Variants in PTPRM observed in about 807,000 individuals in gnomAD.
PTPRM encodes receptor-type tyrosine-protein phosphatase mu.
In PTPRM, 47 loss-of-function variants were observed where a neutral mutation model predicts 186.7. That is an observed-to-expected ratio of 0.25 (90% CI 0.20 to 0.32). The LOEUF is 0.32. PTPRM is among the 10% of genes least tolerant of loss of function. PTPRM has a pLI of 1.00. For synonymous variants in PTPRM, 668 were observed against 674.9 expected, an observed-to-expected ratio of 0.99 and a Z score of 0.16; for missense variants, 1,494 against 1,865.0, an observed-to-expected ratio of 0.80 and a Z score of 3.66.
At chr18:7,662,253 TAGA>T (rs2038997531) in intron 1 of PTPRM, among the ~76,000 whole-genome samples, 1 of 152,206 alleles carries the variant, frequency 6.6e-6, no homozygotes, top group African/African-American at 2.4e-5. Flanking sequence ...ATGATCTTGA[TAGA>T]AGATTATGCT....
chr18:8,098,169 C>G lies in PTPRM; in HGVS notation c.1856+9318C>G, dbSNP rs183085965. Among the ~76,000 whole-genome samples, 37 of 152,176 alleles carry G rather than the reference C, an allele frequency of 2.4e-4. No homozygotes were observed. In the East Asian group the frequency reaches 6.6e-3, roughly 27 times the overall value. The stretch of plus-strand genomic sequence containing the variant: ...GATGTTTGCACAAAGATGGAATGGC[C>G]TAATGAGGCACTTCTCAGAATATAT... On this transcript the variant is annotated intron_variant, in intron 11 of 32. Coordinates refer to ENST00000580170, the MANE Select transcript of PTPRM (RefSeq NM_001105244.2).
chr18:7,636,276 A>T (rs1223181642), intron 1 of PTPRM, among the ~76,000 whole-genome samples: 2 of 152,174 alleles, frequency 1.3e-5, no homozygotes, highest in African/African-American at 4.8e-5. Context: ...ACAATGTTCC[A>T]GGTAGAGGAG....
chr18:8,003,296 C>A (rs2083980782), intron 7 of PTPRM, among the ~76,000 whole-genome samples: 1 of 152,182 alleles, frequency 6.6e-6, no homozygotes, highest in African/African-American at 2.4e-5. Context: ...CGACATAAGA[C>A]AAGAAGTGCC....
At chr18:8,069,627 G>T in intron 7 of PTPRM, 59 bp from the exon 8 acceptor site, 1 of 1,440,180 alleles carries the variant, frequency 6.9e-7, no homozygotes, top group South Asian at 1.3e-5. Flanking sequence ...CTTTGGGATT[G>T]ACCTGAGCCT....
At chr18:7,884,860 G>T (rs951248836) in intron 2 of PTPRM, among the ~76,000 whole-genome samples, 1 of 134,354 alleles carries the variant, frequency 7.4e-6, no homozygotes, top group Non-Finnish European at 1.5e-5. Context: ...GGAGGCAGAG[G>T]TTGCAGTGAG....
intron 14 of PTPRM, among the ~76,000 whole-genome samples, chr18:8,152,858 TA>T (rs1458407175): frequency 6.6e-6 from 1 of 151,516 alleles, no homozygotes; most frequent in Non-Finnish European, 1.5e-5. Flanking sequence ...GCTGGGAATA[TA>T]GGCTCACACC....
At chr18:7,670,423 T>A (rs2144481216) in intron 1 of PTPRM, among the ~76,000 whole-genome samples, 1 of 152,372 alleles carries the variant, frequency 6.6e-6, no homozygotes, top group South Asian at 2.1e-4. Context: ...AATTATGTTG[T>A]AGCATGCTTG....
chr18:7,902,007 G>A (rs935694849), intron 3 of PTPRM, among the ~76,000 whole-genome samples: 5 of 152,154 alleles, frequency 3.3e-5, no homozygotes, highest in African/African-American at 1.2e-4. Context: ...ACAAATGTAT[G>A]ACATAAGAAA....
intron 19 of PTPRM, among the ~76,000 whole-genome samples, chr18:8,280,746 C>A (rs542181086): frequency 2.2e-4 from 34 of 152,228 alleles, no homozygotes; most frequent in Non-Finnish European, 4.6e-4. Flanking sequence ...GTAGAACTGC[C>A]CTTACGTTCT....
At chr18:8,298,901 G>T (rs995939112) in intron 20 of PTPRM, among the ~76,000 whole-genome samples, 12 of 152,230 alleles carry the variant, frequency 7.9e-5, no homozygotes, top group African/African-American at 2.4e-4. Flanking sequence ...ATTGCTTGAG[G>T]CCAGGAGTTG....
At chr18:8,321,548 G>T (rs2095345857) in intron 22 of PTPRM, among the ~76,000 whole-genome samples, 1 of 152,200 alleles carries the variant, frequency 6.6e-6, no homozygotes, top group Admixed American at 6.5e-5. Context: ...TAGTGTTAAT[G>T]AGCAAATGTA....
chr18:7,941,127 C>G (rs1379318000), intron 5 of PTPRM, among the ~76,000 whole-genome samples: 2 of 152,162 alleles, frequency 1.3e-5, no homozygotes, highest in Non-Finnish European at 2.9e-5. Context: ...GTCCTCTCCC[C>G]CTCATTCTCA....
intron 7 of PTPRM, among the ~76,000 whole-genome samples, chr18:8,014,816 G>A (rs145618213): frequency 4.9e-4 from 75 of 152,026 alleles, no homozygotes; most frequent in Non-Finnish European, 9.7e-4. Context: ...AAAACCAGTG[G>A]GATTATCCTT....
intron 26 of PTPRM, 75 bp downstream of exon 26, chr18:8,376,672 G>A: frequency 6.7e-7 from 1 of 1,481,658 alleles, no homozygotes. Context: ...TCAGGGCCAA[G>A]GGCACAAGGA....
intron 7 of PTPRM, among the ~76,000 whole-genome samples, chr18:8,012,518 C>T (rs921228577): frequency 1.3e-5 from 2 of 152,206 alleles, no homozygotes; most frequent in Admixed American, 6.5e-5. Flanking sequence ...CACATACACA[C>T]ACCTACATGG....
At chr18:8,107,024 C>A (rs776589556) in intron 11 of PTPRM, among the ~76,000 whole-genome samples, 2 of 152,160 alleles carry the variant, frequency 1.3e-5, no homozygotes, top group Non-Finnish European at 2.9e-5. Flanking sequence ...CATACAGGAA[C>A]AAAGCTATTT....
In PTPRM at chr18:8,387,247, A is replaced by T; in HGVS notation, c.4208+12A>T. ...GTTGTGCACTGCTTGTAAGTGCTTGACAGAGCTCTTCATTTCAGAACAGCG... is the reference window on the plus strand; with the variant it reads ...GTTGTGCACTGCTTGTAAGTGCTTGTCAGAGCTCTTCATTTCAGAACAGCG... On this transcript the variant is annotated intron_variant, in intron 31 of 32. Transcript: ENST00000580170. 6.2e-7 allele frequency: 1 copy of T among 1,611,022 alleles called. No individual in the cohort carries two copies.
At chr18:7,873,458 T>A (rs1040439605) in intron 2 of PTPRM, among the ~76,000 whole-genome samples, 2 of 152,202 alleles carry the variant, frequency 1.3e-5, no homozygotes, top group Non-Finnish European at 2.9e-5. Flanking sequence ...GAAGTTTTTT[T>A]AAACCCTCCT....
At chr18:8,339,173 T>C (rs1193950522) in intron 22 of PTPRM, among the ~76,000 whole-genome samples, 3 of 151,832 alleles carry the variant, frequency 2.0e-5, no homozygotes, top group African/African-American at 7.3e-5. Context: ...GTTAATGTTT[T>C]TTATTGAAAA....
Sources: allele counts gnomAD v4.1 joint callset (sites outside exome capture counted in the v4.1 genomes callset), GRCh38; gene constraint gnomAD v4.1.1; transcripts MANE v1.5; gene names NCBI Gene and HGNC (gene_info 2026-07-23, HGNC 2026-07-21).